The following CERS3 variants were observed in gnomAD, a reference collection of about 807,000 sequenced individuals.
CERS3 encodes the protein LAG1 homolog, ceramide synthase 3.
A neutral mutation model predicts 50.3 loss-of-function variants in CERS3; 33 were observed. The observed-to-expected ratio is 0.66, with a 90% CI of 0.50 to 0.88. The LOEUF is 0.88. Among genes scored for constraint, CERS3 ranks in the 40% least tolerant of loss-of-function variants. CERS3 has a pLI of 0.00. For missense variants in CERS3, 470 were observed against 460.3 expected (o/e 1.02, Z -0.19); for synonymous variants, 176 against 155.2 (o/e 1.13, Z -0.99).
At chr15:100,446,526 A>G (rs1945867331) in intron 11 of CERS3, among the ~76,000 whole-genome samples, 1 of 152,158 alleles carries the variant, frequency 6.6e-6, no homozygotes, top group Admixed American at 6.5e-5. Flanking sequence ...CACATTTACT[A>G]AAGTTGGAAA....
chr15:100,432,762 CG>C (rs1231997254), intron 11 of CERS3, among the ~76,000 whole-genome samples: 1 of 152,030 alleles, frequency 6.6e-6, no homozygotes, highest in Non-Finnish European at 1.5e-5. Context: ...AACAGAGTCA[CG>C]TACGTTCGAA....
intron 10 of CERS3, among the ~76,000 whole-genome samples, chr15:100,467,108 G>A (rs1159820016): frequency 2.0e-5 from 3 of 151,682 alleles, no homozygotes; most frequent in Non-Finnish European, 4.4e-5. Flanking sequence ...CACCTGCCTC[G>A]GCCTCCCAAA....
At position 100,467,850 on chromosome 15, in the gene CERS3, T is replaced by TATATATAGATAG. The variant is rs145899470; in HGVS notation, c.845+1527_845+1528insCTATCTATATAT. Among the ~76,000 whole-genome samples the TATATATAGATAG allele has an allele frequency of 6.8e-3, 631 of 93,126 alleles. 13 individuals are homozygous for TATATATAGATAG. The highest frequency in any genetic ancestry group is 0.012 in the Middle Eastern group (2 of 170). 61.1% of individuals were successfully genotyped at this position (93,126 alleles called of 152,430 possible). A position where few individuals can be genotyped will look rare whatever the true frequency, so the allele number is the denominator to read the frequency against. On this transcript the variant is annotated intron_variant, in intron 10 of 11. Coordinates refer to ENST00000679737, the MANE Select transcript of CERS3 (RefSeq NM_001378789.1). The stretch of plus-strand genomic sequence containing the variant: ...ATATATATACGTGTATATATATATA[T>TATATATAGATAG]ATAGATAGATAGATAGATAGATAGA...
intron 11 of CERS3, among the ~76,000 whole-genome samples, chr15:100,442,948 G>T (rs1596669702): frequency 6.6e-6 from 1 of 151,298 alleles, no homozygotes; most frequent in East Asian, 2.0e-4. Context: ...TTGACGGCCA[G>T]GCTTCTAAAT....
intron 11 of CERS3, among the ~76,000 whole-genome samples, chr15:100,432,214 T>C (rs1452445948): frequency 6.6e-6 from 1 of 152,172 alleles, no homozygotes; most frequent in South Asian, 2.1e-4. Context: ...ACTACAAATA[T>C]GTACCACCAC....
intron 2 of CERS3, among the ~76,000 whole-genome samples, chr15:100,508,500 C>T (rs7175210): frequency 0.098 from 14,914 of 152,234 alleles, 786 homozygotes; most frequent in Middle Eastern, 0.15. Flanking sequence ...TACAAAACAT[C>T]GAGATGGAGA....
At chr15:100,488,123 G>A (rs373042125) in intron 4 of CERS3, among the ~76,000 whole-genome samples, 3 of 152,118 alleles carry the variant, frequency 2.0e-5, no homozygotes, top group Non-Finnish European at 4.4e-5. Flanking sequence ...AATCATAAGA[G>A]AACTGTGCAA....
At chr15:100,493,485 TTTG>T (rs752398799) in intron 3 of CERS3, among the ~76,000 whole-genome samples, 2 of 152,234 alleles carry the variant, frequency 1.3e-5, no homozygotes, top group Non-Finnish European at 2.9e-5. Flanking sequence ...CTTTTTGGCT[TTTG>T]ACAAGTTGAT....
chr15:100,456,151 T>C, intron 10 of CERS3, 105 bp from the exon 11 acceptor site: 1 of 736,572 alleles, frequency 1.4e-6, no homozygotes, highest in Non-Finnish European at 2.0e-6. Flanking sequence ...TGTATTTCGT[T>C]TCTAATAAAG....
chr15:100,491,586 T>G (rs900138272), intron 3 of CERS3, among the ~76,000 whole-genome samples: 17 of 152,178 alleles, frequency 1.1e-4, no homozygotes, highest in African/African-American at 3.9e-4. Flanking sequence ...CTTTATTATT[T>G]CCTATCTTCT....
chr15:100,418,325 G>GTA (rs2032127647), intron 11 of CERS3, among the ~76,000 whole-genome samples: 1 of 152,060 alleles, frequency 6.6e-6, no homozygotes, highest in South Asian at 2.1e-4. Context: ...GGAAGAAAGG[G>GTA]TATCAGGGAT....
intron 11 of CERS3, among the ~76,000 whole-genome samples, chr15:100,437,421 C>T (rs974562837): frequency 7.2e-5 from 11 of 152,076 alleles, no homozygotes; most frequent in Non-Finnish European, 1.2e-4. Context: ...TTGACATCTA[C>T]GAGGATGTGT....
In CERS3 at chr15:100,461,197, C is replaced by T. The variant is rs138708150; in HGVS notation, c.846-5151G>A. Among the ~76,000 whole-genome samples, 145 of 152,236 alleles carry T rather than the reference C, an allele frequency of 9.5e-4. 2 individuals carry two copies. In the South Asian group the frequency reaches 0.025, roughly 26 times the overall value. On this transcript the variant is annotated intron_variant, in intron 10 of 11. Transcript: ENST00000679737. ...GCTCAACACCACTAATTTCTTGGCT[C>T]GAAACCTGCATAAGTCACTGAGCCT...
chr15:100,466,773 C>T (rs183915353), intron 10 of CERS3, among the ~76,000 whole-genome samples: 19,469 of 48,468 alleles, frequency 0.4, 6,066 homozygotes, highest in Non-Finnish European at 0.52. Flanking sequence ...TCCTTCCTTC[C>T]TTCCTTCCTT....
intron 11 of CERS3, among the ~76,000 whole-genome samples, chr15:100,445,086 T>C (rs1182991141): frequency 1.4e-5 from 2 of 140,956 alleles, no homozygotes; most frequent in African/African-American, 5.1e-5. Flanking sequence ...ACAATACTTT[T>C]ACCACTTTCC....
rs146377418 is a variant in CERS3 at position 100,410,993 on chromosome 15, G to A, written c.1000-8128C>T. On this transcript the variant is annotated intron_variant, in intron 11 of 11. Coordinates refer to ENST00000679737, the MANE Select transcript of CERS3 (RefSeq NM_001378789.1). ...CACTTCTCCCCTTTCCCCAGCCTCT[G>A]GCAACCACCATTCCACTTTCTGTCT... 4.3e-3 allele frequency among the ~76,000 whole-genome samples: 660 copies of A among 152,126 alleles called. 5 individuals are homozygous for A. The highest frequency in any genetic ancestry group is 0.015 in the African/African-American group (602 of 41,478).
chr15:100,416,690 C>G (rs2031938057), intron 11 of CERS3, among the ~76,000 whole-genome samples: 1 of 152,180 alleles, frequency 6.6e-6, no homozygotes, highest in Non-Finnish European at 1.5e-5. Context: ...TGAGAACTCA[C>G]TATCACGAGA....
chr15:100,488,814 G>C (rs914541849), intron 4 of CERS3, among the ~76,000 whole-genome samples: 23 of 146,160 alleles, frequency 1.6e-4, no homozygotes, highest in African/African-American at 5.4e-4. Flanking sequence ...GTCTCACTCT[G>C]TCACCAGGCT....
chr15:100,439,911 T>C (rs111228792), intron 11 of CERS3, among the ~76,000 whole-genome samples: 3,496 of 152,294 alleles, frequency 0.023, 56 homozygotes, highest in South Asian at 0.048. Context: ...CAGGAATTCT[T>C]GTCCATGGCT....
Sources: gnomAD v4.1 joint callset for allele counts (sites outside exome capture counted in the v4.1 genomes callset) on GRCh38, gnomAD v4.1.1 for gene constraint, MANE v1.5 for transcripts, NCBI Gene and HGNC (gene_info 2026-07-23, HGNC 2026-07-21) for gene names.